Variants in ZNF274 observed in about 807,000 individuals in gnomAD.
ZNF274 encodes neurotrophin receptor-interacting factor homolog.
ZNF274 carries 23 observed loss-of-function variants against 42.5 expected under a neutral mutation model. That is an observed-to-expected ratio of 0.54 (90% CI 0.39 to 0.77). The LOEUF (loss-of-function observed/expected upper bound fraction) is 0.77. ZNF274 is among the 30% of genes least tolerant of loss of function. The pLI, the probability that ZNF274 is intolerant of heterozygous loss-of-function variation, is 0.00. For synonymous variants in ZNF274, 292 were observed against 305.4 expected, an observed-to-expected ratio of 0.96 and a Z score of 0.46; for missense variants, 679 against 806.5, an observed-to-expected ratio of 0.84 and a Z score of 1.91.
intron 4 of ZNF274, 121 bp downstream of exon 4, chr19:58,187,163 G>T (rs920295047): frequency 1.9e-5 from 15 of 810,046 alleles, no homozygotes; most frequent in Non-Finnish European, 2.9e-5. Flanking sequence ...ATGAGCAGTT[G>T]CAGAACCAAA....
intron 6 of ZNF274, chr19:58,210,275 G>A (rs543043071): frequency 4.0e-6 from 2 of 496,166 alleles, no homozygotes; most frequent in South Asian, 4.7e-5. Flanking sequence ...CATCACTGGA[G>A]ACAACGCATG....
chr19:58,195,899 A>G (rs754737719), intron 4 of ZNF274, among the ~76,000 whole-genome samples: 9 of 152,106 alleles, frequency 5.9e-5, no homozygotes, highest in Non-Finnish European at 1.2e-4. Context: ...GGTAATGCTC[A>G]TTTGCCTGCC....
At position 58,210,037 on chromosome 19, in the gene ZNF274, G is replaced by A; in HGVS notation, c.816G>A (p.Glu272=). 6.2e-7 allele frequency: 1 copy of A among 1,613,824 alleles called. No individual in the cohort carries two copies. Among genetic ancestry groups the A allele is most frequent in the Non-Finnish European group, 8.5e-7 (1 of 1,179,788 alleles). The change falls in exon 6 of 8, where the codon GAG becomes GAA. Residue 272 remains glutamate (E), a synonymous_variant. Coordinates refer to ENST00000617501, the MANE Select transcript of ZNF274 (RefSeq NM_133502.3). ...CTGCCCAGCAGGAGGAGAAGCAGGAGGATGCAGCCATCTGCCCAGTGACAG... is the reference window on the plus strand; with the variant it reads ...CTGCCCAGCAGGAGGAGAAGCAGGAAGATGCAGCCATCTGCCCAGTGACAG... ...EVTAQQEEKQ[E]DAAICPVTVL... is the part of the protein sequence containing the mutation.
intron 4 of ZNF274, among the ~76,000 whole-genome samples, chr19:58,200,896 G>T (rs532645581): frequency 1.3e-5 from 2 of 152,258 alleles, no homozygotes; most frequent in African/African-American, 2.4e-5. Flanking sequence ...GTTGGCTTCT[G>T]GGGAGGCCTC....
intron 4 of ZNF274, among the ~76,000 whole-genome samples, chr19:58,195,382 A>C (rs2075829708): frequency 6.6e-6 from 1 of 152,156 alleles, no homozygotes; most frequent in Non-Finnish European, 1.5e-5. Flanking sequence ...GGGTTTGCAA[A>C]TCCAGTCGAA....
At chr19:58,209,628 G>A in intron 5 of ZNF274, 1 of 195,344 alleles carries the variant, frequency 5.1e-6, no homozygotes, top group South Asian at 1.0e-4. Flanking sequence ...ACTCTAAGGA[G>A]GGGGCGTCAG....
intron 4 of ZNF274, among the ~76,000 whole-genome samples, chr19:58,188,714 A>ATATATGTATATG (rs1555816934): frequency 7.8e-6 from 1 of 127,598 alleles, no homozygotes; most frequent in Non-Finnish European, 1.6e-5. Context: ...ATATATATAT[A>ATATATGTATATG]TATATATATA....
chr19:58,196,374 A>T (rs2075842535), intron 4 of ZNF274, among the ~76,000 whole-genome samples: 1 of 152,204 alleles, frequency 6.6e-6, no homozygotes, highest in Admixed American at 6.5e-5. Flanking sequence ...CAACCTGGGC[A>T]ACATGACGAA....
rs951712317 is a variant in ZNF274, at chr19:58,184,018, A to G, written c.33+20A>G. On this transcript the variant is annotated intron_variant, in intron 2 of 7. Coordinates refer to ENST00000617501, the MANE Select transcript of ZNF274 (RefSeq NM_133502.3). ...TCCTGTGTGAGTAGAGGCTTCCTTC[A>G]GCTTTTGAGTCCGCTACTGCACCTG... The G allele has an allele frequency of 4.4e-6, 7 of 1,585,516 alleles. No individual in the cohort carries two copies. Among genetic ancestry groups the G allele is most frequent in the Admixed American group, 1.8e-5 (1 of 55,314 alleles).
chr19:58,206,640 C>G, intron 4 of ZNF274, 80 bp from the exon 5 acceptor site: 2 of 1,457,088 alleles, frequency 1.4e-6, no homozygotes, highest in South Asian at 2.9e-5. Flanking sequence ...TTTTGACTTG[C>G]ATTTCCCTAG....
chr19:58,190,854 C>T (rs928176218), intron 4 of ZNF274, among the ~76,000 whole-genome samples: 1 of 152,162 alleles, frequency 6.6e-6, no homozygotes, highest in Non-Finnish European at 1.5e-5. Flanking sequence ...GACATCTGCA[C>T]CTAACCCCCA....
chr19:58,201,659 G>C (rs1432044090), intron 4 of ZNF274, among the ~76,000 whole-genome samples: 4 of 152,022 alleles, frequency 2.6e-5, no homozygotes, highest in African/African-American at 9.7e-5. Context: ...TGGGACTACA[G>C]GTGCCCGCCA....
chr19:58,211,326 C>T lies in ZNF274; in HGVS notation c.853-234C>T. 2.4e-6 allele frequency: 1 copy of T among 421,746 alleles called. No homozygotes were observed. The highest frequency in any genetic ancestry group is 5.8e-5 in the South Asian group (1 of 17,104). 26.1% of individuals were successfully genotyped at this position (421,746 alleles called of 1,614,324 possible). Reference sequence around the variant, plus strand: ...AGGATGGAGTTGTTTGCTTGTTGCACTTGGAGCTCTTTATGAAGCAAGGGC... The same window carrying T: ...AGGATGGAGTTGTTTGCTTGTTGCATTTGGAGCTCTTTATGAAGCAAGGGC... On this transcript the variant is annotated intron_variant, in intron 6 of 7. Coordinates refer to ENST00000617501, the MANE Select transcript of ZNF274 (RefSeq NM_133502.3). This position sits in a 1 kb window ranked among gnomAD's most constrained non-coding sequence, Gnocchi z 4.8.
intron 2 of ZNF274, chr19:58,184,212 AG>A (rs2075668062): frequency 3.5e-6 from 2 of 573,184 alleles, no homozygotes; most frequent in East Asian, 5.9e-5. Flanking sequence ...ACCAGATTGT[AG>A]GGGCTTCTGA....
chr19:58,207,218 G>T lies in ZNF274; in HGVS notation c.739+16G>T. 1 of 1,600,240 alleles carries T rather than the reference G, an allele frequency of 6.2e-7. No homozygotes were observed. The highest frequency in any genetic ancestry group is 8.5e-7 in the Non-Finnish European group (1 of 1,172,628). On this transcript the variant is annotated intron_variant, in intron 5 of 7. Coordinates refer to ENST00000617501, the MANE Select transcript of ZNF274 (RefSeq NM_133502.3). This position sits in a 1 kb window ranked among gnomAD's most constrained non-coding sequence, Gnocchi z 5.6. ...GAGGAGGAAGGTAAGTAGAAGGGTG[G>T]GTAGAGGGACAGCTTAATGAGGGTG...
chr19:58,211,551 A>T lies in ZNF274; in HGVS notation c.853-9A>T, dbSNP rs143885557. 1,460 of 1,610,386 alleles carry T rather than the reference A, an allele frequency of 9.1e-4. 16 individuals are homozygous for T. In the East Asian group the frequency reaches 0.027, roughly 29 times the overall value. ...CTTGCTGAGCATAGACACATATGTG[A>T]TGTTACAGGAGCCAGTGACCTTCCA... On this transcript the variant is annotated splice_polypyrimidine_tract_variant and intron_variant, in intron 6 of 7. Coordinates refer to ENST00000617501, the MANE Select transcript of ZNF274 (RefSeq NM_133502.3). This position sits in a 1 kb window ranked among gnomAD's most constrained non-coding sequence, Gnocchi z 4.8.
At chr19:58,188,684 A>G (rs1410632964) in intron 4 of ZNF274, among the ~76,000 whole-genome samples, 2 of 69,528 alleles carry the variant, frequency 2.9e-5, no homozygotes, top group Non-Finnish European at 5.1e-5. Flanking sequence ...GTGTATATAT[A>G]TATGTATATG....
At chr19:58,192,975 C>T (rs2075795927) in intron 4 of ZNF274, among the ~76,000 whole-genome samples, 1 of 152,118 alleles carries the variant, frequency 6.6e-6, no homozygotes, top group African/African-American at 2.4e-5. Flanking sequence ...AGCAATCCTC[C>T]CCGCGTCAGT....
At chr19:58,206,165 A>G (rs2075976955) in intron 4 of ZNF274, among the ~76,000 whole-genome samples, 2 of 152,224 alleles carry the variant, frequency 1.3e-5, no homozygotes, top group African/African-American at 4.8e-5. Context: ...TGGACATTTC[A>G]TATAATATGT....
Sources: allele counts gnomAD v4.1 joint callset (sites outside exome capture counted in the v4.1 genomes callset), GRCh38; gene constraint gnomAD v4.1.1; non-coding constraint Gnocchi (gnomAD v3.1); transcripts MANE v1.5; gene names NCBI Gene and HGNC (gene_info 2026-07-23, HGNC 2026-07-21).